The following CCDC171 variants were observed in gnomAD, a reference collection of about 807,000 sequenced individuals.
The protein encoded by CCDC171 is coiled-coil domain-containing protein 171.
Under a neutral mutation model 168.2 loss-of-function variants are expected in CCDC171, and 177 were observed. That is an observed-to-expected ratio of 1.05 (90% CI 0.93 to 1.19). CCDC171 has a LOEUF of 1.19. Among genes scored for constraint, CCDC171 ranks in the 50% most tolerant of loss-of-function variants. The pLI is 0.00. For synonymous variants in CCDC171, 687 were observed against 540.8 expected (o/e 1.27, Z -3.75); for missense variants, 1,991 against 1,539.0 (o/e 1.29, Z -4.91).
At chr9:15,653,773 A>G (rs1403662860) in intron 7 of CCDC171, among the ~76,000 whole-genome samples, 2 of 151,966 alleles carry the variant, frequency 1.3e-5, no homozygotes, top group Admixed American at 1.3e-4. Context: ...TATTAATTAA[A>G]AAAATTTACT....
intron 25 of CCDC171, among the ~76,000 whole-genome samples, chr9:15,942,651 ATTCTT>A (rs1388033057): frequency 1.3e-5 from 2 of 151,944 alleles, no homozygotes; most frequent in South Asian, 2.1e-4. Flanking sequence ...TGGAAGAAAT[ATTCTT>A]TTAAGTTCTA....
chr9:15,744,173 A>C, intron 16 of CCDC171, 100 bp from the exon 17 acceptor site: 9 of 907,686 alleles, frequency 9.9e-6, no homozygotes, highest in Non-Finnish European at 1.5e-5. Context: ...AAAGAGGAAG[A>C]AGTGGTTGTC....
At chr9:15,914,365 A>G (rs1319074036) in intron 24 of CCDC171, among the ~76,000 whole-genome samples, 1 of 152,112 alleles carries the variant, frequency 6.6e-6, no homozygotes, top group Admixed American at 6.6e-5. Context: ...GAGTCAAGAG[A>G]GGCAGTCTGG....
intron 23 of CCDC171, among the ~76,000 whole-genome samples, chr9:15,861,204 G>C (rs942472959): frequency 1.8e-5 from 2 of 109,904 alleles, no homozygotes; most frequent in Admixed American, 2.3e-4. Flanking sequence ...CATAGACAGC[G>C]TATAGTTGGA....
the CCDC171 span, among the ~76,000 whole-genome samples, chr9:16,097,270 G>A: frequency 1.3e-5 from 2 of 152,204 alleles, no homozygotes; most frequent in African/African-American, 4.8e-5. Context: ...ACTTAGGTCA[G>A]TAACCTCTGA....
chr9:15,810,681 C>T (rs565111533), intron 21 of CCDC171, among the ~76,000 whole-genome samples: 29 of 152,320 alleles, frequency 1.9e-4, no homozygotes, highest in East Asian at 1.5e-3. Context: ...CCGGCAGTGC[C>T]GGCTGGCTGC....
chr9:15,625,535 G>A (rs1044348499), intron 7 of CCDC171, among the ~76,000 whole-genome samples: 2 of 152,094 alleles, frequency 1.3e-5, no homozygotes, highest in East Asian at 3.9e-4. Flanking sequence ...TTCTACATAT[G>A]GCTAGCCAGT....
At chr9:15,632,409 C>G (rs1019836599) in intron 7 of CCDC171, among the ~76,000 whole-genome samples, 6 of 152,058 alleles carry the variant, frequency 3.9e-5, no homozygotes, top group South Asian at 4.2e-4. Context: ...AATGAGTGAA[C>G]TCCCATTCAC....
intron 6 of CCDC171, among the ~76,000 whole-genome samples, chr9:15,603,249 G>T (rs772790140): frequency 6.6e-6 from 1 of 152,166 alleles, no homozygotes; most frequent in Non-Finnish European, 1.5e-5. Flanking sequence ...CTCCCAGAGT[G>T]CTGGGATTTA....
At chr9:15,566,965 T>C (rs904516194) in intron 2 of CCDC171, among the ~76,000 whole-genome samples, 20 of 152,182 alleles carry the variant, frequency 1.3e-4, no homozygotes, top group African/African-American at 4.8e-4. Flanking sequence ...TGAAAATTAC[T>C]TAACTATTTA....
intron 7 of CCDC171, among the ~76,000 whole-genome samples, chr9:15,647,758 G>T (rs905129470): frequency 2.6e-5 from 4 of 152,110 alleles, no homozygotes; most frequent in Middle Eastern, 3.2e-3. Flanking sequence ...ATAATCAATA[G>T]CCTAACCAAC....
At chr9:15,740,706 C>G (rs1456622869) in intron 16 of CCDC171, among the ~76,000 whole-genome samples, 4 of 152,170 alleles carry the variant, frequency 2.6e-5, no homozygotes, top group Non-Finnish European at 5.9e-5. Context: ...TCCCAAAGTG[C>G]TGGGATTACA....
intron 3 of CCDC171, among the ~76,000 whole-genome samples, chr9:15,982,899 C>CTT (rs1484848435): frequency 6.6e-6 from 1 of 152,146 alleles, no homozygotes; most frequent in Non-Finnish European, 1.5e-5. Flanking sequence ...TGGGTAGATT[C>CTT]TGCAAGAAGG....
chr9:15,853,975 T>G (rs1226469988), intron 23 of CCDC171, among the ~76,000 whole-genome samples: 4 of 151,432 alleles, frequency 2.6e-5, no homozygotes, highest in African/African-American at 9.7e-5. Context: ...TATGATCTTT[T>G]GAATATGCTG....
At chr9:15,774,294 C>T (rs947988234) in intron 18 of CCDC171, among the ~76,000 whole-genome samples, 1 of 125,618 alleles carries the variant, frequency 8.0e-6, no homozygotes, top group African/African-American at 2.9e-5. Flanking sequence ...AGAAAGTAGG[C>T]TAAGGACGTG....
chr9:15,911,585 C>T (rs988337761), intron 24 of CCDC171, among the ~76,000 whole-genome samples: 12 of 152,074 alleles, frequency 7.9e-5, no homozygotes, highest in African/African-American at 7.2e-5. Context: ...CTTTTGTTGC[C>T]GTTGCTTTTG....
chr9:15,706,769 C>G (rs190665290), intron 11 of CCDC171, among the ~76,000 whole-genome samples: 70 of 152,250 alleles, frequency 4.6e-4, no homozygotes, highest in African/African-American at 1.7e-3. Flanking sequence ...CTCCAACTTT[C>G]TTCAGCTTTC....
intron 3 of CCDC171, among the ~76,000 whole-genome samples, chr9:16,005,453 A>G (rs765803455): frequency 2.0e-5 from 3 of 152,228 alleles, no homozygotes; most frequent in Non-Finnish European, 4.4e-5. Context: ...TAGTGCTACT[A>G]TAAACATTCT....
intron 4 of CCDC171, among the ~76,000 whole-genome samples, chr9:15,586,402 C>CA (rs2041562751): frequency 6.6e-6 from 1 of 151,950 alleles, no homozygotes; most frequent in South Asian, 2.1e-4. Flanking sequence ...GGGGGTGTGA[C>CA]AAGAGAGAAA....
Sources: gnomAD v4.1 joint callset for allele counts (sites outside exome capture counted in the v4.1 genomes callset) on GRCh38, gnomAD v4.1.1 for gene constraint, MANE v1.5 for transcripts, NCBI Gene and HGNC (gene_info 2026-07-23, HGNC 2026-07-21) for gene names.